CTNNA3: variants seen among roughly 807,000 people sequenced by gnomAD.
The protein encoded by CTNNA3 is catenin alpha-3.
A neutral mutation model predicts 95.7 loss-of-function variants in CTNNA3; 76 were observed. That is an observed-to-expected ratio of 0.79 (90% CI 0.66 to 0.96). The LOEUF (loss-of-function observed/expected upper bound fraction) is 0.96. Among genes scored for constraint, CTNNA3 ranks in the 40% least tolerant of loss-of-function variants. CTNNA3 has a pLI of 0.00. For missense variants in CTNNA3, 1,191 were observed against 1,089.8 expected (o/e 1.09, Z -1.31); for synonymous variants, 431 against 374.4 (o/e 1.15, Z -1.74).
At chr10:66,514,108 G>T (rs1356511754) in intron 11 of CTNNA3, among the ~76,000 whole-genome samples, 1 of 152,144 alleles carries the variant, frequency 6.6e-6, no homozygotes, top group East Asian at 1.9e-4. Flanking sequence ...ACATTGTGAT[G>T]ATTAATGCTG....
chr10:67,441,699 G>A (rs555577038), intron 5 of CTNNA3, among the ~76,000 whole-genome samples: 2 of 152,208 alleles, frequency 1.3e-5, no homozygotes, highest in South Asian at 2.1e-4. Context: ...TTCTAGAATA[G>A]TATATACTGT....
chr10:66,236,457 T>C (rs750129467), intron 13 of CTNNA3, among the ~76,000 whole-genome samples: 1 of 152,172 alleles, frequency 6.6e-6, no homozygotes, highest in African/African-American at 2.4e-5. Flanking sequence ...CTGTAAGATA[T>C]TTTGGTAGGT....
rs1349386558 is a variant in CTNNA3 at position 66,200,214 on chromosome 10, A to AGAAGGGAAGG, written c.1884+80246_1884+80255dup. On this transcript the variant is annotated intron_variant, in intron 13 of 17. Transcript: ENST00000433211. ...AAAGTGGTTTCATGGAGAAGAGGAG[A>AGAAGGGAAGG]GAAGGGAAGGGAAGGTAAGGGAAGG... Among the ~76,000 whole-genome samples the AGAAGGGAAGG allele has an allele frequency of 4.2e-5, 6 of 142,744 alleles. No individual in the cohort carries two copies. In the East Asian group the frequency reaches 1.1e-3, roughly 27 times the overall value. The allele number at this position is 142,744 out of a possible 152,430, so 93.6% of individuals were successfully genotyped here.
At chr10:67,488,115 G>C (rs1007709806) in intron 5 of CTNNA3, among the ~76,000 whole-genome samples, 1 of 152,108 alleles carries the variant, frequency 6.6e-6, no homozygotes. Flanking sequence ...GGAGGTTCTT[G>C]GGCAACAAGG....
intron 13 of CTNNA3, among the ~76,000 whole-genome samples, chr10:66,279,949 CCAAA>C (rs2091464707): frequency 1.3e-5 from 2 of 151,906 alleles, no homozygotes; most frequent in Admixed American, 6.6e-5. Flanking sequence ...ATATATGTCC[CCAAA>C]CAGACAACTC....
intron 17 of CTNNA3, among the ~76,000 whole-genome samples, chr10:65,961,696 T>C (rs1168609527): frequency 6.6e-6 from 1 of 151,936 alleles, no homozygotes; most frequent in African/African-American, 2.4e-5. Context: ...ACAAAATTTA[T>C]ATTTTGTAGC....
chr10:66,226,588 T>C (rs938589462), intron 13 of CTNNA3, among the ~76,000 whole-genome samples: 2 of 151,276 alleles, frequency 1.3e-5, no homozygotes, highest in Non-Finnish European at 2.9e-5. Context: ...TTTTTTTTTT[T>C]GAAGCATGTC....
chr10:66,303,728 G>A (rs547015762), intron 12 of CTNNA3, among the ~76,000 whole-genome samples: 6 of 152,164 alleles, frequency 3.9e-5, no homozygotes, highest in African/African-American at 7.2e-5. Flanking sequence ...TCCTGTCCCC[G>A]GGTTCAAGCG....
At chr10:66,577,476 T>G (rs1564544545) in intron 10 of CTNNA3, among the ~76,000 whole-genome samples, 1 of 152,136 alleles carries the variant, frequency 6.6e-6, no homozygotes, top group East Asian at 1.9e-4. Flanking sequence ...TTTTAAGTTT[T>G]TAACCCATCT....
chr10:67,600,430 G>A (rs1052605374), intron 3 of CTNNA3, among the ~76,000 whole-genome samples: 1 of 151,840 alleles, frequency 6.6e-6, no homozygotes, highest in Non-Finnish European at 1.5e-5. Context: ...ATTATGAAAG[G>A]GAGAAGATAT....
At chr10:66,898,297 T>G (rs1290331240) in intron 7 of CTNNA3, among the ~76,000 whole-genome samples, 1 of 152,152 alleles carries the variant, frequency 6.6e-6, no homozygotes, top group African/African-American at 2.4e-5. Flanking sequence ...CATAATATAG[T>G]AAGGTTGTTC....
chr10:66,931,915 C>T (rs1367992946), intron 7 of CTNNA3, among the ~76,000 whole-genome samples: 1 of 152,122 alleles, frequency 6.6e-6, no homozygotes, highest in Non-Finnish European at 1.5e-5. Flanking sequence ...TAATATTTTT[C>T]ATCAGCAAGA....
intron 5 of CTNNA3, among the ~76,000 whole-genome samples, chr10:67,359,658 A>G (rs1842929850): frequency 6.6e-6 from 1 of 152,186 alleles, no homozygotes; most frequent in South Asian, 2.1e-4. Context: ...ACAAAAATAA[A>G]GAAAAAAATT....
chr10:67,617,866 T>C (rs1457217060), intron 2 of CTNNA3, among the ~76,000 whole-genome samples: 1 of 152,044 alleles, frequency 6.6e-6, no homozygotes, highest in Non-Finnish European at 1.5e-5. Context: ...ATCAGTGATG[T>C]TGAGCTTTTT....
intron 5 of CTNNA3, among the ~76,000 whole-genome samples, chr10:67,350,119 A>G (rs1187212204): frequency 1.3e-5 from 2 of 152,134 alleles, no homozygotes; most frequent in East Asian, 3.8e-4. Context: ...ATCATGACCT[A>G]TTTGAAAATG....
chr10:66,360,820 T>C (rs755844230), intron 12 of CTNNA3, among the ~76,000 whole-genome samples: 1,326 of 56,448 alleles, frequency 0.023, 95 homozygotes, highest in African/African-American at 0.15. Context: ...TTCCTTCCTT[T>C]CTTTCTTTCT....
At position 67,741,802 on chromosome 10, in the gene CTNNA3, A is replaced by G. The variant is rs1025065862; in HGVS notation, c.-2+21632T>C. ...ACACACATAGGATCAAAATAAAGGG[A>G]TAGAGGAAGATCTACCAAGCAAATG... On this transcript the variant is annotated intron_variant, in intron 1 of 17. Transcript: ENST00000684154. Among the ~76,000 whole-genome samples, 48 of 151,278 alleles carry G rather than the reference A, an allele frequency of 3.2e-4. 4 individuals carry two copies. Among genetic ancestry groups the G allele is most frequent in the Non-Finnish European group, 3.5e-4 (24 of 67,744 alleles).
intron 9 of CTNNA3, among the ~76,000 whole-genome samples, chr10:66,710,336 T>G (rs144284965): frequency 1.3e-5 from 2 of 152,276 alleles, no homozygotes; most frequent in Non-Finnish European, 2.9e-5. Flanking sequence ...TTTATAATCA[T>G]GAATGAAATT....
intron 5 of CTNNA3, among the ~76,000 whole-genome samples, chr10:67,250,677 C>T (rs1866074454): frequency 6.6e-6 from 1 of 152,100 alleles, no homozygotes; most frequent in African/African-American, 2.4e-5. Flanking sequence ...GGAACCAGCG[C>T]ATATGGAGGG....
Sources: allele counts gnomAD v4.1 joint callset (sites outside exome capture counted in the v4.1 genomes callset), GRCh38; gene constraint gnomAD v4.1.1; transcripts MANE v1.5; gene names NCBI Gene and HGNC (gene_info 2026-07-23, HGNC 2026-07-21).